Variants in ENKUR observed in about 807,000 individuals in gnomAD.
The protein encoded by ENKUR is enkurin, TRPC channel interacting protein.
ENKUR carries 19 observed loss-of-function variants against 27.6 expected under a neutral mutation model. The observed-to-expected ratio is 0.69, with a 90% CI of 0.48 to 1.01. The LOEUF (loss-of-function observed/expected upper bound fraction) is 1.01. ENKUR is among the 50% of genes least tolerant of loss of function. The probability of loss-of-function intolerance (pLI) is 0.00; values close to 1 mark genes in which losing one functional copy is unlikely to be tolerated. For synonymous variants in ENKUR, 117 were observed against 96.9 expected (o/e 1.21, Z -1.22); for missense variants, 312 against 310.5 (o/e 1.00, Z -0.04).
At chr10:24,991,981 G>A (rs1023810890) in intron 3 of ENKUR, among the ~76,000 whole-genome samples, 1 of 152,210 alleles carries the variant, frequency 6.6e-6, no homozygotes, top group African/African-American at 2.4e-5. Flanking sequence ...GGGCACTGAA[G>A]AAGTGAGCCA....
At chr10:24,996,281 G>C (rs1850052305) in intron 2 of ENKUR, among the ~76,000 whole-genome samples, 1 of 152,158 alleles carries the variant, frequency 6.6e-6, no homozygotes, top group Non-Finnish European at 1.5e-5. Context: ...AGTTAGCCAA[G>C]CATGATAGTG....
At chr10:25,025,050 A>G (rs756359426) in intron 2 of ENKUR, 1 of 1,614,248 alleles carries the variant, frequency 6.2e-7, no homozygotes, top group Non-Finnish European at 8.5e-7. Context: ...TAGTTGAGAA[A>G]CTTCAGCAGG....
intron 1 of ENKUR, among the ~76,000 whole-genome samples, chr10:25,013,834 C>T (rs1055820839): frequency 5.9e-5 from 9 of 151,752 alleles, no homozygotes; most frequent in Non-Finnish European, 7.4e-5. Context: ...CCCAGCTACT[C>T]GGGAGGCTGA....
intron 2 of ENKUR, among the ~76,000 whole-genome samples, chr10:25,039,857 T>C (rs1231130541): frequency 6.7e-6 from 1 of 149,878 alleles, no homozygotes; most frequent in Admixed American, 6.7e-5. Flanking sequence ...GGATCCAAAA[T>C]AGCATGGGTG....
At chr10:25,031,504 A>C (rs541737186) in intron 2 of ENKUR, among the ~76,000 whole-genome samples, 1 of 152,290 alleles carries the variant, frequency 6.6e-6, no homozygotes, top group South Asian at 2.1e-4. Flanking sequence ...CAACCCACAG[A>C]ACATTGAGAA....
intron 2 of ENKUR, among the ~76,000 whole-genome samples, chr10:25,029,620 G>T (rs755686842): frequency 1.2e-4 from 18 of 152,078 alleles, no homozygotes; most frequent in Non-Finnish European, 2.2e-4. Flanking sequence ...TCCCTATCCA[G>T]GAAAATGAAT....
intron 2 of ENKUR, among the ~76,000 whole-genome samples, chr10:25,029,016 T>C (rs919746616): frequency 2.0e-5 from 3 of 152,194 alleles, no homozygotes; most frequent in Non-Finnish European, 4.4e-5. Flanking sequence ...CCACAATTCA[T>C]TGAATTGTAT....
intron 2 of ENKUR, among the ~76,000 whole-genome samples, chr10:25,030,239 G>A (rs1850919684): frequency 6.6e-6 from 1 of 151,982 alleles, no homozygotes; most frequent in South Asian, 2.1e-4. Context: ...AATTTTGATA[G>A]AACTCACTCT....
At chr10:25,049,445 T>A (rs1435180010) in intron 2 of ENKUR, among the ~76,000 whole-genome samples, 1 of 152,142 alleles carries the variant, frequency 6.6e-6, no homozygotes, top group Non-Finnish European at 1.5e-5. Flanking sequence ...CAGGAGATCA[T>A]CATTCTACTA....
chr10:25,020,006 T>A (rs942627246), upstream of ENKUR, among the ~76,000 whole-genome samples: 52 of 152,178 alleles, frequency 3.4e-4, no homozygotes, highest in African/African-American at 1.2e-3. Context: ...AATGAGGATG[T>A]CTTTTCCTCA....
chr10:24,988,744 G>A (rs1336929757), intron 4 of ENKUR, among the ~76,000 whole-genome samples: 1 of 139,734 alleles, frequency 7.2e-6, no homozygotes, highest in Admixed American at 7.6e-5. Context: ...TTTTAAAAAT[G>A]AGAAGTTTGG....
At chr10:25,038,908 A>G (rs1851034546) in intron 2 of ENKUR, among the ~76,000 whole-genome samples, 1 of 152,222 alleles carries the variant, frequency 6.6e-6, no homozygotes, top group Non-Finnish European at 1.5e-5. Context: ...ATAGTTGTCA[A>G]AGGTTGTGTG....
chr10:25,033,977 AAG>A (rs1490989758), intron 2 of ENKUR, among the ~76,000 whole-genome samples: 1 of 152,136 alleles, frequency 6.6e-6, no homozygotes, highest in African/African-American at 2.4e-5. Flanking sequence ...AGAAACTAAA[AAG>A]AGAACTAGTA....
At position 25,024,835 on chromosome 10, in the gene ENKUR, C is replaced by G. The variant is rs778686089; in HGVS notation, c.38-28966G>C. On this transcript the variant is annotated intron_variant, in intron 2 of 5. Transcript: ENST00000615958. ...ATTTATCTGTGCCTCTAATCAGAACCATGTTTTGACTGATTTTATAAAAAC... is the reference window on the plus strand; with the variant it reads ...ATTTATCTGTGCCTCTAATCAGAACGATGTTTTGACTGATTTTATAAAAAC... 6.2e-6 allele frequency: 10 copies of G among 1,613,968 alleles called. No homozygotes were observed. The highest frequency in any genetic ancestry group is 4.0e-5 in the African/African-American group (3 of 74,918).
chr10:25,038,181 A>G (rs1851027006), intron 2 of ENKUR, among the ~76,000 whole-genome samples: 1 of 152,224 alleles, frequency 6.6e-6, no homozygotes, highest in African/African-American at 2.4e-5. Context: ...ATAGGGTATC[A>G]TAGGAAATGA....
intron 2 of ENKUR, chr10:25,025,973 G>A (rs1413109120): frequency 1.3e-5 from 2 of 156,318 alleles, no homozygotes; most frequent in African/African-American, 4.8e-5. Flanking sequence ...CCGCCTCCCA[G>A]GTTCAAGTGA....
intron 1 of ENKUR, among the ~76,000 whole-genome samples, chr10:25,006,750 G>A (rs1316255186): frequency 6.6e-6 from 1 of 152,120 alleles, no homozygotes; most frequent in African/African-American, 2.4e-5. Context: ...GAAGCAAAAA[G>A]GACTCAGTTT....
At chr10:24,988,232 A>G (rs1277631845) in intron 4 of ENKUR, among the ~76,000 whole-genome samples, 6 of 145,490 alleles carry the variant, frequency 4.1e-5, no homozygotes, top group Non-Finnish European at 9.0e-5. Flanking sequence ...TCAAAAAAAA[A>G]TGTATATATA....
chr10:25,023,732 CAGAT>C lies in ENKUR; in HGVS notation c.38-27867_38-27864del, dbSNP rs755536758. 1,125 of 1,613,650 alleles carry C rather than the reference CAGAT, an allele frequency of 7.0e-4. 1 individual carries two copies. Among genetic ancestry groups the C allele is most frequent in the Non-Finnish European group, 9.2e-4 (1,087 of 1,179,950 alleles). Reference sequence around the variant, plus strand: ...ATTTGTCGTCTAAAATTAATGAAGACAGATAGGATTGTAGGTCAGAATTCTGGAA... The same window carrying C: ...ATTTGTCGTCTAAAATTAATGAAGACAGGATTGTAGGTCAGAATTCTGGAA... On this transcript the variant is annotated intron_variant, in intron 2 of 5. Coordinates refer to the ENKUR transcript ENST00000615958.
Sources: gnomAD v4.1 joint callset for allele counts (sites outside exome capture counted in the v4.1 genomes callset) on GRCh38, gnomAD v4.1.1 for gene constraint, MANE v1.5 for transcripts, NCBI Gene and HGNC (gene_info 2026-07-23, HGNC 2026-07-21) for gene names.